ARMC3: variants seen among roughly 807,000 people sequenced by gnomAD.
The protein encoded by ARMC3 is armadillo repeat-containing protein 3.
ARMC3 carries 74 observed loss-of-function variants against 90.3 expected under a neutral mutation model. That is an observed-to-expected ratio of 0.82 (90% CI 0.68 to 0.99). ARMC3 has a LOEUF of 0.99. ARMC3 is among the 50% of genes least tolerant of loss of function. ARMC3 has a pLI of 0.00. For missense variants in ARMC3, 958 were observed against 1,042.8 expected (o/e 0.92, Z 1.12); for synonymous variants, 334 against 361.8 (o/e 0.92, Z 0.87).
intron 8 of ARMC3, 32 bp from the exon 9 acceptor site, chr10:22,981,307 AT>A: frequency 6.4e-7 from 1 of 1,557,572 alleles, no homozygotes; most frequent in South Asian, 1.2e-5. Flanking sequence ...TTGCATTAAA[AT>A]TCTGAATTTT....
chr10:22,955,663 G>A (rs1834904264), intron 3 of ARMC3, 144 bp from the exon 4 acceptor site: 2 of 971,812 alleles, frequency 2.1e-6, no homozygotes, highest in African/African-American at 3.3e-5. Flanking sequence ...GTGTGTCCTT[G>A]AAGTTTATTC....
chr10:22,942,345 T>A (rs1148299), intron 2 of ARMC3, among the ~76,000 whole-genome samples: 3 of 152,188 alleles, frequency 2.0e-5, no homozygotes, highest in Admixed American at 2.0e-4. Flanking sequence ...AAAATTAATG[T>A]ATTCTCAAGC....
intron 8 of ARMC3, among the ~76,000 whole-genome samples, chr10:22,977,957 G>A (rs985038972): frequency 2.6e-5 from 4 of 152,210 alleles, no homozygotes; most frequent in African/African-American, 9.7e-5. Context: ...TTTTTGGGCA[G>A]TACTGCCCAC....
chr10:23,012,004 C>T (rs762243992), intron 16 of ARMC3, among the ~76,000 whole-genome samples: 3 of 152,160 alleles, frequency 2.0e-5, no homozygotes, highest in Non-Finnish European at 4.4e-5. Context: ...ACATATAGTC[C>T]CTCAATCAAA....
intron 16 of ARMC3, among the ~76,000 whole-genome samples, chr10:23,015,056 A>G (rs1340120854): frequency 6.6e-6 from 1 of 152,200 alleles, no homozygotes; most frequent in East Asian, 1.9e-4. Context: ...TGAGACATCG[A>G]GAACCATGGA....
At chr10:23,017,983 A>C (rs1838349793) in intron 16 of ARMC3, among the ~76,000 whole-genome samples, 1 of 152,262 alleles carries the variant, frequency 6.6e-6, no homozygotes, top group South Asian at 2.1e-4. Flanking sequence ...ATCTGCCCTC[A>C]GAAAGCAGGC....
At chr10:22,943,619 C>T (rs1361537040) in intron 2 of ARMC3, among the ~76,000 whole-genome samples, 1 of 151,722 alleles carries the variant, frequency 6.6e-6, no homozygotes, top group Non-Finnish European at 1.5e-5. Flanking sequence ...AAATCATCAT[C>T]ACTTCAGGAA....
chr10:22,935,695 C>T (rs1302182129), intron 2 of ARMC3, among the ~76,000 whole-genome samples: 1 of 152,152 alleles, frequency 6.6e-6, no homozygotes, highest in Non-Finnish European at 1.5e-5. Flanking sequence ...AATATAAATT[C>T]ATAAACAATA....
At chr10:22,938,940 TC>T in intron 2 of ARMC3, among the ~76,000 whole-genome samples, 1 of 152,210 alleles carries the variant, frequency 6.6e-6, no homozygotes, top group Non-Finnish European at 1.5e-5. Context: ...TGTATTATTT[TC>T]TTTAGAAATG....
At chr10:22,977,993 C>A (rs185026329) in intron 8 of ARMC3, among the ~76,000 whole-genome samples, 223 of 152,326 alleles carry the variant, frequency 1.5e-3, no homozygotes, top group African/African-American at 5.2e-3. Flanking sequence ...AATATTAGGG[C>A]AGAACCAACA....
intron 1 of ARMC3, among the ~76,000 whole-genome samples, chr10:22,929,790 A>T (rs1335798932): frequency 6.6e-6 from 1 of 152,142 alleles, no homozygotes; most frequent in Non-Finnish European, 1.5e-5. Flanking sequence ...ACCTCAGGTG[A>T]TCCACCCGCC....
Position 22,976,465 on chromosome 10 carries a change from C to T in ARMC3, c.917-4875C>T, listed in dbSNP as rs554491994. On this transcript the variant is annotated intron_variant, in intron 8 of 18. Transcript: ENST00000298032. The stretch of plus-strand genomic sequence containing the variant: ...GGGTGGGAATCCACACTGCTGATTG[C>T]CCTCTCCTCCTGTAAACTCTTTTAT... Among the ~76,000 whole-genome samples the T allele has an allele frequency of 1.8e-4, 27 of 152,286 alleles. 1 individual carries two copies. The highest frequency in any genetic ancestry group is 1.2e-3 in the East Asian group (6 of 5,186).
chr10:23,002,027 CTGA>C lies in ARMC3; in HGVS notation c.1535_1537del (p.Leu512_Thr513delinsPro). 1 of 1,613,802 alleles carries C rather than the reference CTGA, an allele frequency of 6.2e-7. No homozygotes were observed. Among genetic ancestry groups the C allele is most frequent in the Non-Finnish European group, 8.5e-7 (1 of 1,179,794 alleles). On this transcript the variant is annotated inframe_deletion, in exon 12 of 19. Coordinates refer to ENST00000298032, the MANE Select transcript of ARMC3 (RefSeq NM_173081.5). ...AGTGATGGTCTGTGCTGGTGACGAG[CTGA>C]CGGCCAATGAATTATGCAGGCTCGG...
chr10:22,968,392 A>C lies in ARMC3; in HGVS notation c.819A>C (p.Thr273=). The C allele has an allele frequency of 6.2e-7, 1 of 1,613,884 alleles. No individual in the cohort carries two copies. Among genetic ancestry groups the C allele is most frequent in the East Asian group, 2.2e-5 (1 of 44,862 alleles). The stretch of plus-strand genomic sequence containing the variant: ...ATACTATGGTGCAGATTCAGCAGAC[A>C]GGGGGTCTTAAAAAGCTCCTGTCAT... ...DMDTMVQIQQ[T]GGLKKLLSFA... Residue 273 remains threonine, a synonymous_variant, in exon 8 of 19, where the codon ACA becomes ACC. Coordinates refer to ENST00000298032, the MANE Select transcript of ARMC3 (RefSeq NM_173081.5).
At chr10:23,023,483 A>G (rs1010134317) in intron 16 of ARMC3, among the ~76,000 whole-genome samples, 1 of 149,450 alleles carries the variant, frequency 6.7e-6, no homozygotes, top group Non-Finnish European at 1.5e-5. Context: ...TCACAATACC[A>G]ATGAGAAATG....
chr10:22,967,863 C>T (rs1318934856), intron 7 of ARMC3, among the ~76,000 whole-genome samples: 2 of 152,322 alleles, frequency 1.3e-5, no homozygotes, highest in East Asian at 3.9e-4. Context: ...GTTTTCCATG[C>T]CTGTGGGGAT....
chr10:23,016,479 C>T (rs1159890547), intron 16 of ARMC3, among the ~76,000 whole-genome samples: 1 of 152,162 alleles, frequency 6.6e-6, no homozygotes, highest in Non-Finnish European at 1.5e-5. Flanking sequence ...TCCCTGTTTC[C>T]TGAGGTAGTT....
intron 14 of ARMC3, among the ~76,000 whole-genome samples, chr10:23,007,698 C>CA (rs1188080079): frequency 0.015 from 490 of 33,676 alleles, 6 homozygotes; most frequent in African/African-American, 0.034. Flanking sequence ...GACTCCGTCT[C>CA]AAAAAAAAAA....
intron 11 of ARMC3, among the ~76,000 whole-genome samples, chr10:23,000,863 G>A (rs2131417743): frequency 6.6e-6 from 1 of 152,216 alleles, no homozygotes; most frequent in Admixed American, 6.5e-5. Flanking sequence ...TTATCCTCCA[G>A]TTGCATAGAT....
Sources: gnomAD v4.1 joint callset for allele counts (sites outside exome capture counted in the v4.1 genomes callset) on GRCh38, gnomAD v4.1.1 for gene constraint, MANE v1.5 for transcripts, NCBI Gene and HGNC (gene_info 2026-07-23, HGNC 2026-07-21) for gene names.